Variants in STK4 observed in about 807,000 individuals in gnomAD.
The protein encoded by STK4 is serine/threonine kinase 4, also known as serine/threonine-protein kinase 4.
In STK4, 30 loss-of-function variants were observed where a neutral mutation model predicts 64.9. That is an observed-to-expected ratio of 0.46 (90% CI 0.35 to 0.63). STK4 has a LOEUF of 0.63. STK4 is among the 20% of genes least tolerant of loss of function. The pLI is 0.01. For synonymous variants in STK4, 177 were observed against 199.0 expected (o/e 0.89, Z 0.93); for missense variants, 466 against 598.5 (o/e 0.78, Z 2.31).
At chr20:45,019,849 A>G (rs780937534) in intron 9 of STK4, among the ~76,000 whole-genome samples, 4 of 152,224 alleles carry the variant, frequency 2.6e-5, no homozygotes, top group Non-Finnish European at 5.9e-5. Flanking sequence ...GCCTTTAATC[A>G]GCTTGGAATG....
chr20:45,011,725 ATATATTT>A (rs1381609983), intron 9 of STK4, among the ~76,000 whole-genome samples: 5 of 106,998 alleles, frequency 4.7e-5, no homozygotes, highest in Non-Finnish European at 9.8e-5. Flanking sequence ...ATATATATAT[ATATATTT>A]TTTTTTTTTT....
rs1442732518 is a variant in STK4, at chr20:45,005,658, A to AC, written c.1147+4305_1147+4306insC. Among the ~76,000 whole-genome samples, 29 of 151,714 alleles carry AC rather than the reference A, an allele frequency of 1.9e-4. 1 individual carries two copies. Among genetic ancestry groups the AC allele is most frequent in the African/African-American group, 4.6e-4 (19 of 41,368 alleles). Reference sequence around the variant, plus strand: ...GCGAGACTCTGTCTCAAAAAAAAAAAAAAAAAAAACAAAACGTTAGCTACT... The same window carrying AC: ...GCGAGACTCTGTCTCAAAAAAAAAAACAAAAAAAAACAAAACGTTAGCTACT... On this transcript the variant is annotated intron_variant, in intron 9 of 10. Coordinates refer to ENST00000372806, the MANE Select transcript of STK4 (RefSeq NM_006282.5).
intron 10 of STK4, among the ~76,000 whole-genome samples, chr20:45,039,914 G>A (rs2145416506): frequency 6.6e-6 from 1 of 152,164 alleles, no homozygotes; most frequent in East Asian, 1.9e-4. Flanking sequence ...AAGTCAAATA[G>A]TGTCTTAAGA....
At chr20:44,993,711 G>C (rs556476761) in intron 5 of STK4, among the ~76,000 whole-genome samples, 22 of 152,334 alleles carry the variant, frequency 1.4e-4, no homozygotes, top group African/African-American at 4.8e-4. Context: ...GGGCATTGTG[G>C]CTCATGCCTG....
In STK4 at chr20:44,995,838, ACTCT is replaced by A. The variant is rs528538863; in HGVS notation, c.693+590_693+593del. 2.6e-4 allele frequency among the ~76,000 whole-genome samples: 39 copies of A among 151,268 alleles called. No homozygotes were observed. In the South Asian group the frequency reaches 8.1e-3, roughly 32 times the overall value. ...AGAAATGCTTAGTTTGATTTGTGCT[ACTCT>A]CTCTCTCTGTCTGTCACTCACTCAT... On this transcript the variant is annotated intron_variant, in intron 6 of 10. Coordinates refer to ENST00000372806, the MANE Select transcript of STK4 (RefSeq NM_006282.5).
At chr20:45,026,346 T>TGTGTGC (rs1555817286) in intron 10 of STK4, among the ~76,000 whole-genome samples, 1 of 150,682 alleles carries the variant, frequency 6.6e-6, no homozygotes, top group African/African-American at 2.5e-5. Flanking sequence ...TGTGTGTGTG[T>TGTGTGC]GTGCATAGTT....
chr20:45,009,829 C>A (rs1214498684), intron 9 of STK4, among the ~76,000 whole-genome samples: 1 of 152,086 alleles, frequency 6.6e-6, no homozygotes, highest in African/African-American at 2.4e-5. Context: ...TCACTCTCAG[C>A]CTGGCCATTG....
At chr20:45,068,005 C>T (rs1277939671) in intron 10 of STK4, among the ~76,000 whole-genome samples, 1 of 152,072 alleles carries the variant, frequency 6.6e-6, no homozygotes, top group Non-Finnish European at 1.5e-5. Context: ...CCTCCATTTC[C>T]CAAAAAAGGA....
At chr20:44,998,435 T>A (rs976008771) in intron 7 of STK4, among the ~76,000 whole-genome samples, 3 of 152,194 alleles carry the variant, frequency 2.0e-5, no homozygotes, top group African/African-American at 7.2e-5. Flanking sequence ...TTGAAGACAG[T>A]ATGGTATGAA....
intron 2 of STK4, among the ~76,000 whole-genome samples, chr20:44,977,036 A>G (rs2067351137): frequency 6.6e-6 from 1 of 152,206 alleles, no homozygotes; most frequent in Admixed American, 6.5e-5. Context: ...TAGTTCAGTC[A>G]CTGGCAGAAG....
intron 2 of STK4, among the ~76,000 whole-genome samples, chr20:44,976,595 G>A (rs1455907987): frequency 6.6e-6 from 1 of 152,196 alleles, no homozygotes; most frequent in East Asian, 1.9e-4. Flanking sequence ...CTGAGGGAAA[G>A]CTGTTGTCAA....
chr20:45,058,471 CTT>C (rs1397358674), intron 10 of STK4, among the ~76,000 whole-genome samples: 2 of 152,134 alleles, frequency 1.3e-5, no homozygotes, highest in East Asian at 3.8e-4. Context: ...TGTAAGCATT[CTT>C]TTTTCTTTTA....
Position 45,073,293 on chromosome 20 carries a change from C to T in STK4, c.1306-1725C>T, listed in dbSNP as rs567821927. 6.6e-5 allele frequency among the ~76,000 whole-genome samples: 10 copies of T among 152,166 alleles called. No individual in the cohort carries two copies. The East Asian group carries it at 1.5e-3, about 23-fold the overall frequency. Reference sequence around the variant, plus strand: ...TTCAGCCCGACTTTCCAGCATTTACCCACACTCTCAAGTCTTCCATTCTCA... The same window carrying T: ...TTCAGCCCGACTTTCCAGCATTTACTCACACTCTCAAGTCTTCCATTCTCA... On this transcript the variant is annotated intron_variant, in intron 10 of 10. Transcript: ENST00000372806.
intron 10 of STK4, among the ~76,000 whole-genome samples, chr20:45,056,641 T>G (rs1268613860): frequency 6.6e-6 from 1 of 152,204 alleles, no homozygotes; most frequent in East Asian, 1.9e-4. Flanking sequence ...AGTTCTTCCA[T>G]TAGTGGGCAA....
chr20:44,969,064 TCTC>T (rs1208941133), intron 1 of STK4, among the ~76,000 whole-genome samples: 1 of 152,066 alleles, frequency 6.6e-6, no homozygotes, highest in Admixed American at 6.6e-5. Flanking sequence ...AGTGTCCTAA[TCTC>T]CTCTTATAAG....
intron 4 of STK4, among the ~76,000 whole-genome samples, chr20:44,984,130 A>T (rs1056646658): frequency 7.1e-6 from 1 of 141,088 alleles, no homozygotes; most frequent in African/African-American, 2.6e-5. Flanking sequence ...GTAGGTTATT[A>T]TATTTAAGTA....
chr20:44,972,187 A>G (rs1376328867), intron 2 of STK4, 29 bp downstream of exon 2: 1 of 1,588,066 alleles, frequency 6.3e-7, no homozygotes, highest in South Asian at 1.1e-5. Flanking sequence ...TAGGTAGGTC[A>G]TTGGGTCCCA....
intron 9 of STK4, among the ~76,000 whole-genome samples, chr20:45,020,554 C>T (rs1486993879): frequency 6.6e-6 from 1 of 151,900 alleles, no homozygotes; most frequent in Non-Finnish European, 1.5e-5. Flanking sequence ...TTGTAAACCA[C>T]CCTAAAATTT....
intron 9 of STK4, 40 bp downstream of exon 9, chr20:45,001,393 C>T (rs2067839141): frequency 1.3e-6 from 2 of 1,569,118 alleles, no homozygotes; most frequent in Non-Finnish European, 1.7e-6. Flanking sequence ...TTAGACCAAG[C>T]ATACATATTT....
Sources: allele counts gnomAD v4.1 joint callset (sites outside exome capture counted in the v4.1 genomes callset), GRCh38; gene constraint gnomAD v4.1.1; transcripts MANE v1.5; gene names NCBI Gene and HGNC (gene_info 2026-07-23, HGNC 2026-07-21).